Variants in FAAH2 observed in about 807,000 individuals in gnomAD.
FAAH2 encodes the protein fatty acid amide hydrolase 2.
In FAAH2, 60 loss-of-function variants were observed where a neutral mutation model predicts 36.9. The ratio of observed to expected loss-of-function variants is 1.63; its 90% CI spans 1.32 to 2.02. The LOEUF (loss-of-function observed/expected upper bound fraction) is 2.02. Ranked by LOEUF, FAAH2 falls within the 30% of genes most tolerant of loss-of-function variation. The pLI, the probability that FAAH2 is intolerant of heterozygous loss-of-function variation, is 0.00. For missense variants in FAAH2, 689 were observed against 397.5 expected (o/e 1.73, Z -6.23); for synonymous variants, 214 against 143.8 (o/e 1.49, Z -3.49).
At chrX:57,366,741 G>T (rs1318364659) in intron 5 of FAAH2, among the ~76,000 whole-genome samples, 2 of 112,458 alleles carry the variant, frequency 1.8e-5, no homozygotes, top group African/African-American at 6.5e-5. Context: ...AGTGGATGCT[G>T]GTAAACAGTG....
chrX:57,166,704 G>A, the FAAH2 span, among the ~76,000 whole-genome samples: 1 of 112,225 alleles, frequency 8.9e-6, no homozygotes, highest in African/African-American at 3.2e-5. Flanking sequence ...TAGTTACGGT[G>A]ATCTTGAAGA....
At chrX:57,481,445 A>C (rs1427013808) in intron 10 of FAAH2, among the ~76,000 whole-genome samples, 1 of 110,965 alleles carries the variant, frequency 9.0e-6, no homozygotes, top group African/African-American at 3.3e-5. Context: ...CTTTATGTTG[A>C]TGTCGATGTT....
intron 5 of FAAH2, among the ~76,000 whole-genome samples, chrX:57,343,972 T>C (rs2053755696): frequency 9.0e-6 from 1 of 111,205 alleles, no homozygotes; most frequent in Non-Finnish European, 1.9e-5. Flanking sequence ...GGTCTATATA[T>C]CTGTTTTTAT....
chrX:57,200,503 C>T, the FAAH2 span, among the ~76,000 whole-genome samples: 9 of 109,386 alleles, frequency 8.2e-5, no homozygotes, highest in East Asian at 2.9e-4. Context: ...CTCAGCCTCC[C>T]GAATAGCTGG....
At chrX:57,387,768 G>A (rs2055062970) in intron 7 of FAAH2, among the ~76,000 whole-genome samples, 1 of 111,326 alleles carries the variant, frequency 9.0e-6, no homozygotes, top group Non-Finnish European at 1.9e-5. Flanking sequence ...CAACAGGCCT[G>A]CTGTTCTATA....
chrX:57,363,821 G>A (rs1490810625), intron 5 of FAAH2, among the ~76,000 whole-genome samples: 1 of 110,892 alleles, frequency 9.0e-6, no homozygotes, highest in Non-Finnish European at 1.9e-5. Flanking sequence ...CATTGAGATA[G>A]TCATATATTT....
At chrX:57,332,975 G>C (rs1335609987) in intron 4 of FAAH2, among the ~76,000 whole-genome samples, 1 of 111,288 alleles carries the variant, frequency 9.0e-6, no homozygotes, top group Non-Finnish European at 1.9e-5. Context: ...GGTCAAAGCA[G>C]AATAAAATTG....
chrX:57,305,181 T>C (rs1483150028), intron 2 of FAAH2, among the ~76,000 whole-genome samples: 2 of 110,669 alleles, frequency 1.8e-5, no homozygotes, highest in Non-Finnish European at 3.8e-5. Flanking sequence ...GAACTTTGTC[T>C]GCAGCCCAGA....
intron 7 of FAAH2, among the ~76,000 whole-genome samples, chrX:57,423,666 C>G (rs2056090249): frequency 9.0e-6 from 1 of 110,821 alleles, no homozygotes; most frequent in Admixed American, 9.6e-5. Context: ...GAGCATTGCC[C>G]CAGTGGTGTT....
At chrX:57,232,749 G>C in the FAAH2 span, among the ~76,000 whole-genome samples, 1 of 112,214 alleles carries the variant, frequency 8.9e-6, no homozygotes, top group African/African-American at 3.2e-5. Context: ...TCTTAGAACA[G>C]TGATAAAAAT....
At chrX:57,472,377 G>T (rs1447437115) in intron 10 of FAAH2, among the ~76,000 whole-genome samples, 3 of 112,203 alleles carry the variant, frequency 2.7e-5, no homozygotes, top group South Asian at 3.7e-4. Context: ...AATCTACAAA[G>T]AGCTCAAACA....
At chrX:57,337,782 A>G (rs1247347273) in intron 4 of FAAH2, among the ~76,000 whole-genome samples, 2 of 111,967 alleles carry the variant, frequency 1.8e-5, no homozygotes, top group Non-Finnish European at 3.8e-5. Flanking sequence ...TATTTGACAA[A>G]CTCACAGTCA....
intron 7 of FAAH2, among the ~76,000 whole-genome samples, chrX:57,423,811 C>T (rs1484438517): frequency 1.8e-5 from 2 of 111,041 alleles, no homozygotes; most frequent in Non-Finnish European, 3.8e-5. Context: ...CAGGACCACG[C>T]CCCCAGGGAG....
At chrX:57,400,138 ACTGGT>A (rs2055396558) in intron 7 of FAAH2, among the ~76,000 whole-genome samples, 1 of 112,296 alleles carries the variant, frequency 8.9e-6, no homozygotes, top group African/African-American at 3.2e-5. Context: ...CAGTTGCAGC[ACTGGT>A]CCTTCAAGTA....
chrX:57,184,102 T>A, the FAAH2 span, among the ~76,000 whole-genome samples: 3 of 110,942 alleles, frequency 2.7e-5, no homozygotes, highest in Non-Finnish European at 3.8e-5. Flanking sequence ...TTGTTTAAGA[T>A]GTTTATCAAG....
At chrX:57,417,125 C>T (rs1466886229) in intron 7 of FAAH2, among the ~76,000 whole-genome samples, 2 of 111,470 alleles carry the variant, frequency 1.8e-5, no homozygotes, top group South Asian at 7.5e-4. Flanking sequence ...GCTAGCAATT[C>T]CTCTCTCTTT....
intron 2 of FAAH2, among the ~76,000 whole-genome samples, chrX:57,296,819 A>G (rs1193517539): frequency 2.7e-5 from 3 of 111,994 alleles, no homozygotes; most frequent in East Asian, 5.6e-4. Context: ...ACAAGCCTCA[A>G]TAGCTGATTT....
At chrX:57,451,103 G>A (rs2056775492) in intron 10 of FAAH2, among the ~76,000 whole-genome samples, 1 of 111,656 alleles carries the variant, frequency 9.0e-6, no homozygotes, top group Middle Eastern at 4.2e-3. Context: ...AAGTCACATA[G>A]CTAAGATAAT....
chrX:57,127,779 C>T, the FAAH2 span, among the ~76,000 whole-genome samples: 1 of 111,092 alleles, frequency 9.0e-6, no homozygotes, highest in African/African-American at 3.3e-5. Flanking sequence ...CCTTCAATCA[C>T]ACTTAACCAA....
Sources: gnomAD v4.1 joint callset for allele counts (sites outside exome capture counted in the v4.1 genomes callset) on GRCh38, gnomAD v4.1.1 for gene constraint, MANE v1.5 for transcripts, NCBI Gene and HGNC (gene_info 2026-07-23, HGNC 2026-07-21) for gene names.